The following PCSK2 variants were observed in gnomAD, a reference collection of about 807,000 sequenced individuals.
PCSK2 encodes the protein neuroendocrine convertase 2.
A neutral mutation model predicts 69.7 loss-of-function variants in PCSK2; 14 were observed. The observed-to-expected ratio is 0.20, with a 90% CI of 0.13 to 0.31. The LOEUF (loss-of-function observed/expected upper bound fraction) is 0.31. PCSK2 is among the 10% of genes least tolerant of loss of function. The pLI is 1.00. For missense variants in PCSK2, 544 were observed against 842.5 expected, an observed-to-expected ratio of 0.65 and a Z score of 4.39; for synonymous variants, 307 against 320.7, an observed-to-expected ratio of 0.96 and a Z score of 0.46.
intron 2 of PCSK2, among the ~76,000 whole-genome samples, chr20:17,354,765 C>T (rs1307766662): frequency 6.6e-6 from 1 of 151,888 alleles, no homozygotes; most frequent in African/African-American, 2.4e-5. Flanking sequence ...TGGTAGGATA[C>T]TCAGTGAAAA....
intron 5 of PCSK2, among the ~76,000 whole-genome samples, chr20:17,372,045 A>G (rs887883592): frequency 5.3e-5 from 8 of 152,354 alleles, no homozygotes; most frequent in Non-Finnish European, 1.2e-4. Context: ...AATTTCTCCC[A>G]AGAAAATTCT....
At chr20:17,427,583 T>C (rs1033667954) in intron 6 of PCSK2, among the ~76,000 whole-genome samples, 3 of 152,220 alleles carry the variant, frequency 2.0e-5, no homozygotes, top group African/African-American at 7.2e-5. Flanking sequence ...ATGATAACGC[T>C]GCATAACAAA....
In PCSK2 at chr20:17,306,945, T is replaced by C. The variant is rs552974431; in HGVS notation, c.282+46601T>C. The stretch of plus-strand genomic sequence containing the variant: ...ATGCATCTCTCATTTAGATAGATAA[T>C]TTGTGAGGGAAAATAGTCTGGATGC... On this transcript the variant is annotated intron_variant, in intron 2 of 11. Coordinates refer to ENST00000262545, the MANE Select transcript of PCSK2 (RefSeq NM_002594.5). Among the ~76,000 whole-genome samples, 5 of 152,292 alleles carry C rather than the reference T, an allele frequency of 3.3e-5. No individual in the cohort carries two copies. In the South Asian group the frequency reaches 1.0e-3, roughly 32 times the overall value.
intron 2 of PCSK2, among the ~76,000 whole-genome samples, chr20:17,329,886 G>A (rs114069283): frequency 0.011 from 1,614 of 152,136 alleles, 21 homozygotes; most frequent in African/African-American, 0.036. Context: ...TCCACACCCC[G>A]GAGGTAATCA....
At chr20:17,451,861 C>A (rs2032828222) in intron 8 of PCSK2, among the ~76,000 whole-genome samples, 1 of 150,834 alleles carries the variant, frequency 6.6e-6, no homozygotes, top group Non-Finnish European at 1.5e-5. Context: ...GAAAGTTCTG[C>A]AGATGGTCAA....
chr20:17,427,361 G>T (rs971666902), intron 6 of PCSK2, among the ~76,000 whole-genome samples: 1 of 152,144 alleles, frequency 6.6e-6, no homozygotes, highest in Non-Finnish European at 1.5e-5. Flanking sequence ...GGATGGAAAA[G>T]GTGTGCCTGT....
At chr20:17,357,027 G>A (rs2123207454) in intron 2 of PCSK2, among the ~76,000 whole-genome samples, 1 of 152,260 alleles carries the variant, frequency 6.6e-6, no homozygotes, top group African/African-American at 2.4e-5. Context: ...AAAATGTTGG[G>A]CTACAAAATA....
At chr20:17,463,848 G>A (rs1326844487) in intron 10 of PCSK2, 1 of 152,146 alleles carries the variant, frequency 6.6e-6, no homozygotes, top group Non-Finnish European at 1.5e-5. Flanking sequence ...TATCAAATGA[G>A]TTATGTTGCT....
chr20:17,467,286 C>T (rs894794989), intron 11 of PCSK2, among the ~76,000 whole-genome samples: 18 of 152,200 alleles, frequency 1.2e-4, no homozygotes, highest in African/African-American at 4.1e-4. Flanking sequence ...CTATGGGCCC[C>T]ATCAGTCTAA....
intron 6 of PCSK2, among the ~76,000 whole-genome samples, chr20:17,425,876 T>C (rs187940060): frequency 4.9e-4 from 74 of 152,224 alleles, no homozygotes; most frequent in African/African-American, 1.7e-3. Context: ...ACAAATAGCA[T>C]TTACCCATCT....
chr20:17,444,585 A>T (rs1335861917), intron 8 of PCSK2, among the ~76,000 whole-genome samples: 1 of 152,178 alleles, frequency 6.6e-6, no homozygotes, highest in Admixed American at 6.5e-5. Context: ...TCAATAATTG[A>T]CTTCTGTCTT....
intron 6 of PCSK2, among the ~76,000 whole-genome samples, chr20:17,415,721 C>G (rs1600562292): frequency 6.6e-6 from 1 of 152,130 alleles, no homozygotes; most frequent in East Asian, 1.9e-4. Context: ...GCCCGCATTG[C>G]CAAAACAATC....
intron 10 of PCSK2, among the ~76,000 whole-genome samples, chr20:17,462,465 C>T (rs1311133983): frequency 1.3e-5 from 2 of 152,218 alleles, no homozygotes; most frequent in African/African-American, 4.8e-5. Context: ...ATGGTCCTGA[C>T]ACAGGGGGAT....
In PCSK2 at chr20:17,484,003, T is replaced by G. The variant is rs2033455322; in HGVS notation, c.*1933T>G. ...CACATATACCTATAATGTGTGTATG[T>G]GTATTTATTGAAGAAACAGATACCA... On this transcript the variant is annotated 3_prime_UTR_variant, in exon 12 of 12. Coordinates refer to ENST00000262545, the MANE Select transcript of PCSK2 (RefSeq NM_002594.5). The G allele has an allele frequency of 6.6e-6, 1 of 152,540 alleles. No individual in the cohort carries two copies. Among genetic ancestry groups the G allele is most frequent in the Non-Finnish European group, 1.5e-5 (1 of 68,002 alleles). 9.4% of individuals were successfully genotyped at this position (152,540 alleles called of 1,614,324 possible). A position where few individuals can be genotyped will look rare whatever the true frequency, so the allele number is the denominator to read the frequency against.
intron 11 of PCSK2, among the ~76,000 whole-genome samples, chr20:17,468,796 C>T (rs2033151845): frequency 6.6e-6 from 1 of 152,210 alleles, no homozygotes; most frequent in South Asian, 2.1e-4. Flanking sequence ...TATAGACGGG[C>T]AGCCCACCAT....
At chr20:17,391,343 C>T (rs959274828) in intron 5 of PCSK2, among the ~76,000 whole-genome samples, 12 of 152,008 alleles carry the variant, frequency 7.9e-5, no homozygotes, top group Non-Finnish European at 1.3e-4. Flanking sequence ...GCCTTATTTT[C>T]GCTGCTGACT....
intron 1 of PCSK2, among the ~76,000 whole-genome samples, chr20:17,252,740 A>G (rs902442850): frequency 6.6e-6 from 1 of 152,196 alleles, no homozygotes; most frequent in African/African-American, 2.4e-5. Flanking sequence ...GGCTGAGACC[A>G]TATCATCATT....
chr20:17,447,687 T>C (rs1250840407), intron 8 of PCSK2, among the ~76,000 whole-genome samples: 1 of 152,178 alleles, frequency 6.6e-6, no homozygotes, highest in East Asian at 1.9e-4. Flanking sequence ...AAGATTATGT[T>C]CATTTTAAAC....
Position 17,436,896 on chromosome 20 carries a change from G to C in PCSK2, c.885+13G>C. 8 of 1,580,852 alleles carry C rather than the reference G, an allele frequency of 5.1e-6. No individual in the cohort carries two copies. Among genetic ancestry groups the C allele is most frequent in the Non-Finnish European group, 6.0e-6 (7 of 1,165,580 alleles). On this transcript the variant is annotated intron_variant, in intron 8 of 11. Coordinates refer to ENST00000262545, the MANE Select transcript of PCSK2 (RefSeq NM_002594.5). ...TGGCGTGAACAAGGTAAGGGGGCCGGCCCCCTAGGCCCCGGCCACTCACAA... is the reference window on the plus strand; with the variant it reads ...TGGCGTGAACAAGGTAAGGGGGCCGCCCCCCTAGGCCCCGGCCACTCACAA...
Sources: gnomAD v4.1 joint callset for allele counts (sites outside exome capture counted in the v4.1 genomes callset) on GRCh38, gnomAD v4.1.1 for gene constraint, MANE v1.5 for transcripts, NCBI Gene and HGNC (gene_info 2026-07-23, HGNC 2026-07-21) for gene names.